C1orf21: variants seen among roughly 807,000 people sequenced by gnomAD.
The protein encoded by C1orf21 is chromosome 1 open reading frame 21.
A neutral mutation model predicts 18.7 loss-of-function variants in C1orf21; 3 were observed. The ratio of observed to expected loss-of-function variants is 0.16; its 90% CI spans 0.07 to 0.42. The LOEUF is 0.42. C1orf21 is among the 10% of genes least tolerant of loss of function. The pLI is 0.99. For synonymous variants in C1orf21, 41 were observed against 46.4 expected, an observed-to-expected ratio of 0.88 and a Z score of 0.47; for missense variants, 104 against 143.6, an observed-to-expected ratio of 0.72 and a Z score of 1.41.
At chr1:184,605,942 A>C (rs1455958309) in intron 5 of C1orf21, among the ~76,000 whole-genome samples, 4 of 152,208 alleles carry the variant, frequency 2.6e-5, no homozygotes, top group Non-Finnish European at 4.4e-5. Context: ...ACCGAACCTG[A>C]AAATGCAGAA....
At position 184,505,340 on chromosome 1, in the gene C1orf21, T is replaced by TATATAC. The variant is rs1285554960; in HGVS notation, c.95-2247_95-2246insTATACA. 4.6e-4 allele frequency among the ~76,000 whole-genome samples: 55 copies of TATATAC among 118,680 alleles called. 1 individual carries two copies. The highest frequency in any genetic ancestry group is 1.4e-3 in the Admixed American group (16 of 11,542). The allele number at this position is 118,680 out of a possible 152,430, so 77.9% of individuals were successfully genotyped here. A position where few individuals can be genotyped will look rare whatever the true frequency, so the allele number is the denominator to read the frequency against. The stretch of plus-strand genomic sequence containing the variant: ...ATATATATATATATATATATATATA[T>TATATAC]ACACACATGCCATATATATATAGAC... On this transcript the variant is annotated intron_variant, in intron 2 of 5. Transcript: ENST00000235307.
At chr1:184,479,909 C>CA (rs1268333225) in intron 2 of C1orf21, among the ~76,000 whole-genome samples, 2 of 152,094 alleles carry the variant, frequency 1.3e-5, no homozygotes, top group African/African-American at 4.8e-5. Flanking sequence ...AGGCATGAAC[C>CA]ACCACACCCG....
intron 1 of C1orf21, among the ~76,000 whole-genome samples, chr1:184,466,038 C>T (rs1657389169): frequency 6.6e-6 from 1 of 152,034 alleles, no homozygotes; most frequent in Admixed American, 6.6e-5. Flanking sequence ...GTACTTTTTG[C>T]TGTAGGAAAG....
chr1:184,552,884 A>G (rs1658831501), intron 3 of C1orf21, among the ~76,000 whole-genome samples: 1 of 152,240 alleles, frequency 6.6e-6, no homozygotes, highest in Admixed American at 6.5e-5. Context: ...CAGCAACAAC[A>G]TATTTGGTAT....
At chr1:184,578,836 C>T (rs769450204) in intron 3 of C1orf21, among the ~76,000 whole-genome samples, 9 of 151,926 alleles carry the variant, frequency 5.9e-5, no homozygotes, top group South Asian at 2.1e-4. Context: ...CTCCCAAGCA[C>T]AAGAGTAGGA....
At chr1:184,538,894 T>C (rs1168924129) in intron 3 of C1orf21, among the ~76,000 whole-genome samples, 1 of 152,224 alleles carries the variant, frequency 6.6e-6, no homozygotes. Flanking sequence ...ACTTTTTTAT[T>C]GTGTGTGGAA....
At chr1:184,415,471 C>T (rs774476439) in intron 1 of C1orf21, among the ~76,000 whole-genome samples, 5 of 152,056 alleles carry the variant, frequency 3.3e-5, no homozygotes, top group Admixed American at 2.0e-4. Context: ...GCTTATTTTG[C>T]GTGTTCTGTT....
chr1:184,587,262 C>CTTT (rs35263651), intron 3 of C1orf21, among the ~76,000 whole-genome samples: 88 of 76,448 alleles, frequency 1.2e-3, no homozygotes, highest in East Asian at 2.0e-3. Context: ...GCTATTTGGG[C>CTTT]TTTTTTTTTT....
chr1:184,555,024 T>C (rs983589989), intron 3 of C1orf21, among the ~76,000 whole-genome samples: 5 of 152,208 alleles, frequency 3.3e-5, no homozygotes, highest in African/African-American at 9.7e-5. Flanking sequence ...CTCCTCATAC[T>C]TCTCACCACC....
intron 5 of C1orf21, among the ~76,000 whole-genome samples, chr1:184,603,119 G>A (rs561675104): frequency 2.0e-5 from 3 of 152,330 alleles, no homozygotes; most frequent in African/African-American, 7.2e-5. Flanking sequence ...ATGGGCCCCA[G>A]GCAAAGAAAC....
rs141549665 is a variant in C1orf21, at chr1:184,609,489, A to G, written c.328-10029A>G. ...CACATCAAGAGGCAAATGAATTAAA[A>G]TGCCAGATTTGCTAAAGCCATTGTC... On this transcript the variant is annotated intron_variant, in intron 5 of 5. Transcript: ENST00000235307. Among the ~76,000 whole-genome samples the G allele has an allele frequency of 8.9e-3, 1,353 of 152,342 alleles. 18 individuals carry two copies. The highest frequency in any genetic ancestry group is 0.014 in the Non-Finnish European group (950 of 68,038).
chr1:184,613,340 C>T (rs1388675612), intron 5 of C1orf21, among the ~76,000 whole-genome samples: 1 of 152,042 alleles, frequency 6.6e-6, no homozygotes, highest in Non-Finnish European at 1.5e-5. Flanking sequence ...GGAACAAATC[C>T]CCCATGGATA....
At chr1:184,565,268 G>A (rs1659020100) in intron 3 of C1orf21, among the ~76,000 whole-genome samples, 1 of 152,170 alleles carries the variant, frequency 6.6e-6, no homozygotes, top group Non-Finnish European at 1.5e-5. Flanking sequence ...AAGAATTATT[G>A]AATATCCACC....
intron 2 of C1orf21, among the ~76,000 whole-genome samples, chr1:184,490,680 A>G (rs1657804542): frequency 6.6e-6 from 1 of 152,206 alleles, no homozygotes; most frequent in Admixed American, 6.5e-5. Flanking sequence ...ATTGGCAGTT[A>G]GGTGAAGATT....
At chr1:184,608,018 C>T (rs1160421297) in intron 5 of C1orf21, among the ~76,000 whole-genome samples, 2 of 151,844 alleles carry the variant, frequency 1.3e-5, no homozygotes, top group African/African-American at 4.8e-5. Context: ...TTTGTTATAT[C>T]GATATAAGAT....
intron 3 of C1orf21, among the ~76,000 whole-genome samples, chr1:184,536,969 A>G (rs1203797056): frequency 6.6e-6 from 1 of 152,170 alleles, no homozygotes; most frequent in Non-Finnish European, 1.5e-5. Context: ...TTCGTTTTGC[A>G]TCCAAAAATC....
At position 184,390,764 on chromosome 1, in the gene C1orf21, A is replaced by G. The variant is rs568424860; in HGVS notation, c.-125+3396A>G. 2.0e-5 allele frequency among the ~76,000 whole-genome samples: 3 copies of G among 152,316 alleles called. No homozygotes were observed. In the South Asian group the frequency reaches 6.2e-4, roughly 32 times the overall value. On this transcript the variant is annotated intron_variant, in intron 1 of 5. Coordinates refer to ENST00000235307, the MANE Select transcript of C1orf21 (RefSeq NM_030806.4). ...TTATGAATAGGCTTTTAGCAAACAA[A>G]TACATCTTTGGCCACTTTATGGTCC... is the stretch of plus-strand genomic sequence containing the variant.
chr1:184,485,996 A>G (rs1020509208), intron 2 of C1orf21, among the ~76,000 whole-genome samples: 2 of 152,216 alleles, frequency 1.3e-5, no homozygotes, highest in Non-Finnish European at 2.9e-5. Context: ...TAAGTGAGGA[A>G]CATGGTCTTG....
intron 3 of C1orf21, among the ~76,000 whole-genome samples, chr1:184,513,888 A>G (rs1042483215): frequency 2.0e-5 from 3 of 152,242 alleles, no homozygotes; most frequent in Non-Finnish European, 2.9e-5. Flanking sequence ...CCCTCTTCAC[A>G]TAAGAAACCA....
Sources: allele counts gnomAD v4.1 joint callset (sites outside exome capture counted in the v4.1 genomes callset), GRCh38; gene constraint gnomAD v4.1.1; transcripts MANE v1.5; gene names NCBI Gene and HGNC (gene_info 2026-07-23, HGNC 2026-07-21).